CACNA1G: variants seen among roughly 807,000 people sequenced by gnomAD.
CACNA1G encodes calcium voltage-gated channel subunit alpha1 G, also known as voltage-dependent T-type calcium channel subunit alpha-1G.
Under a neutral mutation model 219.4 loss-of-function variants are expected in CACNA1G, and 67 were observed. The observed-to-expected ratio is 0.31, with a 90% CI of 0.25 to 0.37. CACNA1G has a LOEUF of 0.37. CACNA1G is among the 10% of genes least tolerant of loss of function. The pLI is 1.00. For synonymous variants in CACNA1G, 1,296 were observed against 1,345.3 expected (o/e 0.96, Z 0.80); for missense variants, 2,380 against 3,231.4 (o/e 0.74, Z 6.39).
chr17:50,561,911 C>T (rs2035816954), intron 1 of CACNA1G: 1 of 440,216 alleles, frequency 2.3e-6, no homozygotes, highest in African/African-American at 2.2e-5. Context: ...GGGCTTACCC[C>T]ACCTGCGTAC....
chr17:50,581,610 C>T (rs1432755434), intron 9 of CACNA1G, among the ~76,000 whole-genome samples: 1 of 152,234 alleles, frequency 6.6e-6, no homozygotes, highest in Non-Finnish European at 1.5e-5. Context: ...CCACCCCGCC[C>T]GGGGCTGGCC....
At position 50,618,147 on chromosome 17, in the gene CACNA1G, G is replaced by C; in HGVS notation, c.5305+21G>C. The stretch of plus-strand genomic sequence containing the variant: ...CCTGGGTGAGTTGGGGTAGGGGAGG[G>C]TGGAGGAGCCAGGGCTGGAGACCAG... On this transcript the variant is annotated intron_variant, in intron 31 of 37. Coordinates refer to ENST00000359106, the MANE Select transcript of CACNA1G (RefSeq NM_018896.5). This position sits in a 1 kb window ranked among gnomAD's most constrained non-coding sequence, Gnocchi z 5.3. 1.2e-6 allele frequency: 2 copies of C among 1,613,524 alleles called. No homozygotes were observed. The highest frequency in any genetic ancestry group is 1.7e-6 in the Non-Finnish European group (2 of 1,179,630).
intron 16 of CACNA1G, among the ~76,000 whole-genome samples, chr17:50,597,334 C>T (rs1470969617): frequency 6.6e-6 from 1 of 152,172 alleles, no homozygotes; most frequent in Non-Finnish European, 1.5e-5. Flanking sequence ...ATTTAATCCT[C>T]ACACCAACCC....
intron 26 of CACNA1G, among the ~76,000 whole-genome samples, chr17:50,610,290 TGAG>T (rs1406329367): frequency 6.6e-6 from 1 of 152,194 alleles, no homozygotes; most frequent in Non-Finnish European, 1.5e-5. Context: ...TCCTTTTGTC[TGAG>T]GGGAGACTTT....
intron 16 of CACNA1G, 35 bp from the exon 17 acceptor site, chr17:50,599,393 C>T (rs1465146160): frequency 1.9e-5 from 28 of 1,496,922 alleles, no homozygotes; most frequent in Non-Finnish European, 2.5e-5. Flanking sequence ...CTGCTGGGCC[C>T]TGCCTGAGAC....
chr17:50,583,668 G>T (rs2412328), intron 9 of CACNA1G, among the ~76,000 whole-genome samples: 2 of 137,440 alleles, frequency 1.5e-5, no homozygotes, highest in Admixed American at 7.4e-5. Flanking sequence ...GTGGGGGTGG[G>T]GGGAGGTGGG....
chr17:50,581,449 C>CCTGCCCTCCCTCCTGGCCGTCACCG (rs2041946779), intron 9 of CACNA1G, among the ~76,000 whole-genome samples: 1 of 152,018 alleles, frequency 6.6e-6, no homozygotes, highest in Non-Finnish European at 1.5e-5. Context: ...AGGAGGAGTC[C>CCTGCCCTCCCTCCTGGCCGTCACCG]CTGCCCTCCC....
intron 28 of CACNA1G, among the ~76,000 whole-genome samples, chr17:50,616,968 G>A (rs2050725398): frequency 6.6e-6 from 1 of 152,094 alleles, no homozygotes; most frequent in South Asian, 2.1e-4. Flanking sequence ...AGTCTCCCAG[G>A]TAGCTGGGAC....
chr17:50,571,382 T>C lies in CACNA1G; in HGVS notation c.587-496T>C, dbSNP rs2039408827. ...GTGGTGATAACTTAGAAAGGTCAAG[T>C]GACTGTGCCTGTTGAGAGAAGGAAG... On this transcript the variant is annotated intron_variant, in intron 4 of 37. Coordinates refer to ENST00000359106, the MANE Select transcript of CACNA1G (RefSeq NM_018896.5). The surrounding 1 kb of genome is among the most constrained non-coding windows in gnomAD (Gnocchi z 4.3). Among the ~76,000 whole-genome samples the C allele has an allele frequency of 6.6e-6, 1 of 152,132 alleles. No individual in the cohort carries two copies. Among genetic ancestry groups the C allele is most frequent in the Non-Finnish European group, 1.5e-5 (1 of 68,026 alleles).
chr17:50,575,044 G>T (rs1263499522), intron 7 of CACNA1G, among the ~76,000 whole-genome samples: 1 of 152,134 alleles, frequency 6.6e-6, no homozygotes, highest in Admixed American at 6.5e-5. Flanking sequence ...GCTAGAATTG[G>T]GGCTAGAAGC....
At position 50,572,892 on chromosome 17, in the gene CACNA1G, C is replaced by G. The variant is rs780415287; in HGVS notation, c.1047+38C>G. The G allele has an allele frequency of 2.5e-6, 4 of 1,598,692 alleles. No individual in the cohort carries two copies. In the African/African-American group the frequency reaches 4.0e-5, roughly 16 times the overall value. The stretch of plus-strand genomic sequence containing the variant: ...GGGCCCCGGGAGCTTCCCCAGAACA[C>G]CAGCCCCAGGACACAGCCCAGGATC... On this transcript the variant is annotated intron_variant, in intron 6 of 37. Coordinates refer to ENST00000359106, the MANE Select transcript of CACNA1G (RefSeq NM_018896.5).
Position 50,560,959 on chromosome 17 carries a change from G to GA in CACNA1G, c.-500dup. ...CCCCCTCCAAGCCCACCCCTAAAGA[G>GA]ATCCCTCCTCCCCTCCCCCGCCGCC... On this transcript the variant is annotated 5_prime_UTR_variant, in exon 1 of 38. Coordinates refer to ENST00000359106, the MANE Select transcript of CACNA1G (RefSeq NM_018896.5). 1 of 213,326 alleles carries GA rather than the reference G, an allele frequency of 4.7e-6. No individual in the cohort carries two copies. The highest frequency in any genetic ancestry group is 9.0e-6 in the Non-Finnish European group (1 of 110,938). The allele number at this position is 213,326 out of a possible 1,614,324, so 13.2% of individuals were successfully genotyped here.
chr17:50,618,525 C>G lies in CACNA1G; in HGVS notation c.5428-130C>G. 2 of 1,039,264 alleles carry G rather than the reference C, an allele frequency of 1.9e-6. No individual in the cohort carries two copies. The highest frequency in any genetic ancestry group is 3.0e-5 in the South Asian group (2 of 67,370). 64.4% of individuals were successfully genotyped at this position (1,039,264 alleles called of 1,614,324 possible). A position where few individuals can be genotyped will look rare whatever the true frequency, so the allele number is the denominator to read the frequency against. ...ACTCACACTTGTAGTGCTCCTCTGC[C>G]CCCAAACACTCCCTCCTCCTCCCCT... On this transcript the variant is annotated intron_variant, in intron 32 of 37. Coordinates refer to ENST00000359106, the MANE Select transcript of CACNA1G (RefSeq NM_018896.5). This position sits in a 1 kb window ranked among gnomAD's most constrained non-coding sequence, Gnocchi z 5.3.
chr17:50,610,045 C>A, intron 26 of CACNA1G, 110 bp downstream of exon 26: 1 of 1,080,168 alleles, frequency 9.3e-7, no homozygotes, highest in Non-Finnish European at 1.4e-6. Flanking sequence ...GTCCCTGGGG[C>A]CCCCAAGAGG....
At chr17:50,606,197 T>C (rs1208017234) in intron 23 of CACNA1G, 174 bp downstream of exon 23, 2 of 957,200 alleles carry the variant, frequency 2.1e-6, no homozygotes, top group African/African-American at 3.2e-5. Flanking sequence ...CATCCCACAG[T>C]GCCCCAAAAA....
Position 50,575,959 on chromosome 17 carries a change from G to A in CACNA1G, c.1557G>A (p.Pro519=), listed in dbSNP as rs372969545. ...CGCTCAGGGCCCCCCGGGCCAGCCC[G>A]GAGATCCAGGACAGGGATGCCAATG... is the stretch of plus-strand genomic sequence containing the variant. ...NGTLRAPRAS[P]EIQDRDANGS... The change falls in exon 8 of 38, where the codon CCG becomes CCA. Residue 519 remains proline, a synonymous_variant. Coordinates refer to ENST00000359106, the MANE Select transcript of CACNA1G (RefSeq NM_018896.5). The A allele has an allele frequency of 1.7e-4, 257 of 1,551,216 alleles. No homozygotes were observed. The highest frequency in any genetic ancestry group is 3.5e-4 in the Admixed American group (18 of 51,264).
intron 7 of CACNA1G, chr17:50,573,535 A>G (rs2039930163): frequency 6.3e-6 from 1 of 158,656 alleles, no homozygotes; most frequent in Non-Finnish European, 1.4e-5. Context: ...GAATGAATCC[A>G]GTGGTTTTTT....
chr17:50,567,008 G>A (rs1190706879), intron 1 of CACNA1G, among the ~76,000 whole-genome samples: 1 of 152,200 alleles, frequency 6.6e-6, no homozygotes, highest in African/African-American at 2.4e-5. Flanking sequence ...CAGAGGAGAG[G>A]AGGGGACCTG....
chr17:50,615,833 G>A (rs1046342411), intron 27 of CACNA1G, among the ~76,000 whole-genome samples: 2 of 152,210 alleles, frequency 1.3e-5, no homozygotes, highest in African/African-American at 2.4e-5. Context: ...ATGGATGCCT[G>A]CCCTTCTGGA....
Sources: gnomAD v4.1 joint callset for allele counts (sites outside exome capture counted in the v4.1 genomes callset) on GRCh38, gnomAD v4.1.1 for gene constraint, Gnocchi (gnomAD v3.1) non-coding constraint, MANE v1.5 for transcripts, NCBI Gene and HGNC (gene_info 2026-07-23, HGNC 2026-07-21) for gene names.